Variants in IQSEC1 observed in about 807,000 individuals in gnomAD.
The protein encoded by IQSEC1 is IQ motif and Sec7 domain ArfGEF 1, also known as IQ motif and SEC7 domain-containing protein 1.
IQSEC1 carries 31 observed loss-of-function variants against 91.0 expected under a neutral mutation model. The observed-to-expected ratio is 0.34, with a 90% confidence interval of 0.26 to 0.46. IQSEC1 has a LOEUF of 0.46. Ranked by LOEUF, IQSEC1 falls within the 20% of genes least tolerant of loss-of-function variation. The pLI is 1.00. For synonymous variants in IQSEC1, 699 were observed against 662.6 expected (o/e 1.05, Z -0.84); for missense variants, 1,388 against 1,575.6 (o/e 0.88, Z 2.02).
intron 2 of IQSEC1, among the ~76,000 whole-genome samples, chr3:13,111,942 A>T (rs1329443896): frequency 1.3e-5 from 2 of 152,130 alleles, no homozygotes; most frequent in African/African-American, 4.8e-5. Context: ...ACACTGGGTG[A>T]TTTTGTTTTC....
intron 1 of IQSEC1, among the ~76,000 whole-genome samples, chr3:13,064,597 G>A (rs1208380791): frequency 6.6e-6 from 1 of 152,220 alleles, no homozygotes; most frequent in Non-Finnish European, 1.5e-5. Context: ...TTGGTGATGT[G>A]GTGCTCTGAA....
In IQSEC1 at chr3:12,924,578, T is replaced by C. The variant is rs1696946246; in HGVS notation, c.1730+3A>G. ...TCCCCCACCACCCCCATGCAGAACT[T>C]ACTCGAGCACGTCACGGTTGAACTG... On this transcript the variant is annotated splice_donor_region_variant and intron_variant, in intron 4 of 13. Transcript: ENST00000613206. The surrounding 1 kb of genome is among the most constrained non-coding windows in gnomAD (Gnocchi z 6.3). 6.3e-7 allele frequency: 1 copy of C among 1,591,498 alleles called. No homozygotes were observed. The highest frequency in any genetic ancestry group is 8.6e-7 in the Non-Finnish European group (1 of 1,165,720).
chr3:12,998,474 T>C (rs1702302444), intron 1 of IQSEC1, among the ~76,000 whole-genome samples: 1 of 152,136 alleles, frequency 6.6e-6, no homozygotes, highest in Admixed American at 6.6e-5. Context: ...ATGTAGGGTA[T>C]GTTACTTTTT....
At chr3:13,275,268 G>A (rs1168771139) in intron 1 of IQSEC1, among the ~76,000 whole-genome samples, 1 of 152,222 alleles carries the variant, frequency 6.6e-6, no homozygotes, top group African/African-American at 2.4e-5. Flanking sequence ...CAGAACGACA[G>A]TCTCTAACCC....
chr3:13,244,766 C>T (rs976313567), intron 1 of IQSEC1, among the ~76,000 whole-genome samples: 1 of 152,168 alleles, frequency 6.6e-6, no homozygotes, highest in Non-Finnish European at 1.5e-5. Context: ...AGACTTCCAC[C>T]TTCTCTAGAC....
At position 12,915,509 on chromosome 3, in the gene IQSEC1, G is replaced by A. The variant is rs577221926; in HGVS notation, c.2160+85C>T. On this transcript the variant is annotated intron_variant, in intron 7 of 13. Transcript: ENST00000613206. ...CCTGCTGGAAGAGACCACACGGAGT[G>A]GGGTGGGTGGGAGTGAGAAGGCCTG... 79 of 1,442,254 alleles carry A rather than the reference G, an allele frequency of 5.5e-5. 1 individual carries two copies. In the South Asian group the frequency reaches 6.8e-4, roughly 12 times the overall value. The allele number at this position is 1,442,254 out of a possible 1,614,324, so 89.3% of individuals were successfully genotyped here.
Position 12,899,734 on chromosome 3 carries a change from GGGTTGCTAAACGCTA to G in IQSEC1, c.*1234_*1248del. On this transcript the variant is annotated 3_prime_UTR_variant, in exon 14 of 14. Transcript: ENST00000613206. ...AAACGGGAAACACACACACCGCCCT[GGGTTGCTAAACGCTA>G]AAGTCAACCTTCAGGTTCGAGAGTG... 1.0e-6 allele frequency: 1 copy of G among 985,424 alleles called. No homozygotes were observed. Among genetic ancestry groups the G allele is most frequent in the Non-Finnish European group, 1.2e-6 (1 of 829,934 alleles). 61.0% of individuals were successfully genotyped at this position (985,424 alleles called of 1,614,324 possible). A position where few individuals can be genotyped will look rare whatever the true frequency, so the allele number is the denominator to read the frequency against.
At chr3:12,968,204 T>G (rs1700731853) in intron 1 of IQSEC1, among the ~76,000 whole-genome samples, 1 of 152,186 alleles carries the variant, frequency 6.6e-6, no homozygotes, top group Non-Finnish European at 1.5e-5. Context: ...AAACCTGGCC[T>G]TTGCCTGCCT....
rs531890617 is a variant in IQSEC1 at position 13,048,447 on chromosome 3, G to A, written c.23+24545C>T. 3.6e-4 allele frequency among the ~76,000 whole-genome samples: 55 copies of A among 152,272 alleles called. 1 individual carries two copies. The Middle Eastern group carries it at 0.017, about 47-fold the overall frequency. ...TCTTCTCCAATGCCACCTGCCTTCC[G>A]GCATGGGGCACCCACACCCCCCATC... On this transcript the variant is annotated intron_variant, in intron 1 of 13. Transcript: ENST00000613206.
At chr3:13,064,719 C>T (rs1040604371) in intron 1 of IQSEC1, among the ~76,000 whole-genome samples, 1 of 152,248 alleles carries the variant, frequency 6.6e-6, no homozygotes, top group Non-Finnish European at 1.5e-5. Context: ...ATACAAAATG[C>T]ATTTTGTGGT....
intron 1 of IQSEC1, among the ~76,000 whole-genome samples, chr3:13,172,184 C>T (rs979086882): frequency 7.9e-5 from 12 of 152,350 alleles, no homozygotes; most frequent in Admixed American, 6.5e-4. Context: ...CTTCTTCCCT[C>T]CTTCCCCAGC....
At chr3:12,966,301 G>C (rs938866476) in intron 1 of IQSEC1, among the ~76,000 whole-genome samples, 3 of 152,212 alleles carry the variant, frequency 2.0e-5, no homozygotes, top group Admixed American at 6.5e-5. Flanking sequence ...GGGGCAGAGG[G>C]AGACATATGC....
At position 13,171,685 on chromosome 3, in the gene IQSEC1, A is replaced by G. The variant is rs560905975; in HGVS notation, c.273-7552T>C. Among the ~76,000 whole-genome samples the G allele has an allele frequency of 2.6e-5, 4 of 152,344 alleles. No individual in the cohort carries two copies. The East Asian group carries it at 7.7e-4, about 29-fold the overall frequency. ...TTTAGACACTTGTTATGCAAACAAC[A>G]TCTATAGAGACCCATTCCCTATAAT... On this transcript the variant is annotated intron_variant, in intron 1 of 15. Coordinates refer to the IQSEC1 transcript ENST00000648114.
At position 12,899,645 on chromosome 3, in the gene IQSEC1, CAG is replaced by C. The variant is rs748381812; in HGVS notation, c.*1336_*1337del. On this transcript the variant is annotated 3_prime_UTR_variant, in exon 14 of 14. Transcript: ENST00000613206. ...GGTCACACGGGCCACGGTGAGGACA[CAG>C]GGGTTCTGCTAGCACATGGCTACAT... 158 of 985,466 alleles carry C rather than the reference CAG, an allele frequency of 1.6e-4. No individual in the cohort carries two copies. Among genetic ancestry groups the C allele is most frequent in the Middle Eastern group, 5.2e-4 (1 of 1,914 alleles). 61.0% of individuals were successfully genotyped at this position (985,466 alleles called of 1,614,324 possible).
At chr3:13,168,226 A>C (rs549932011) in intron 1 of IQSEC1, among the ~76,000 whole-genome samples, 7 of 152,326 alleles carry the variant, frequency 4.6e-5, no homozygotes, top group Non-Finnish European at 8.8e-5. Flanking sequence ...ATCCAAATTC[A>C]AGTTCTCAAA....
chr3:12,948,332 C>G (rs1423871932), intron 1 of IQSEC1, among the ~76,000 whole-genome samples: 1 of 152,258 alleles, frequency 6.6e-6, no homozygotes, highest in African/African-American at 2.4e-5. Context: ...CTGCCCTGCA[C>G]CCTGCCTGCT....
chr3:12,963,862 C>T (rs1166325115), intron 1 of IQSEC1, among the ~76,000 whole-genome samples: 1 of 152,216 alleles, frequency 6.6e-6, no homozygotes, highest in Non-Finnish European at 1.5e-5. Context: ...CTGCGTGTCC[C>T]CTGGGTCATA....
chr3:13,085,636 T>C (rs1345535522), intron 2 of IQSEC1, among the ~76,000 whole-genome samples: 1 of 152,212 alleles, frequency 6.6e-6, no homozygotes, highest in African/African-American at 2.4e-5. Context: ...TCATAGCCTC[T>C]TTCCAGTTTT....
At chr3:13,256,442 G>C (rs1304862050) in intron 1 of IQSEC1, among the ~76,000 whole-genome samples, 1 of 152,180 alleles carries the variant, frequency 6.6e-6, no homozygotes, top group Non-Finnish European at 1.5e-5. Context: ...AAAGTTGCCT[G>C]TTCAGCAAGT....
Sources: allele counts gnomAD v4.1 joint callset (sites outside exome capture counted in the v4.1 genomes callset), GRCh38; gene constraint gnomAD v4.1.1; non-coding constraint Gnocchi (gnomAD v3.1); transcripts MANE v1.5; gene names NCBI Gene and HGNC (gene_info 2026-07-23, HGNC 2026-07-21).